Variants in GYS2 observed in about 807,000 individuals in gnomAD.
GYS2 encodes the protein glycogen synthase 2.
GYS2 carries 80 observed loss-of-function variants against 85.6 expected under a neutral mutation model. The observed-to-expected ratio is 0.93, with a 90% CI of 0.78 to 1.13. The LOEUF is 1.13. Among genes scored for constraint, GYS2 ranks in the 50% most tolerant of loss-of-function variants. GYS2 has a pLI of 0.00. For missense variants in GYS2, 881 were observed against 854.9 expected (o/e 1.03, Z -0.38); for synonymous variants, 328 against 300.7 (o/e 1.09, Z -0.94).
chr12:21,539,693 A>C (rs1468028489), intron 14 of GYS2, among the ~76,000 whole-genome samples: 1 of 152,132 alleles, frequency 6.6e-6, no homozygotes, highest in Non-Finnish European at 1.5e-5. Context: ...TTGGGTGTAA[A>C]TCCTGCTTCA....
At chr12:21,546,558 T>A in intron 11 of GYS2, 88 bp from the exon 12 acceptor site, 1 of 751,658 alleles carries the variant, frequency 1.3e-6, no homozygotes, top group Non-Finnish European at 2.2e-6. Context: ...TTCAGTACTC[T>A]ACTATAGAAT....
intron 11 of GYS2, among the ~76,000 whole-genome samples, chr12:21,554,208 GAGCA>G (rs1165114790): frequency 6.6e-6 from 1 of 151,520 alleles, no homozygotes; most frequent in African/African-American, 2.4e-5. Context: ...GGAAGGAAGT[GAGCA>G]AGGAAGGAAG....
At chr12:21,584,457 C>T (rs1037335366) in intron 1 of GYS2, among the ~76,000 whole-genome samples, 14 of 143,058 alleles carry the variant, frequency 9.8e-5, no homozygotes, top group Admixed American at 9.6e-4. Flanking sequence ...CACCACTCAG[C>T]CTTTTCCCAG....
intron 1 of GYS2, among the ~76,000 whole-genome samples, chr12:21,596,124 C>A (rs1211415309): frequency 6.6e-6 from 1 of 151,704 alleles, no homozygotes; most frequent in African/African-American, 2.4e-5. Context: ...AAATTACCAA[C>A]CAAAAAAAAG....
chr12:21,537,392 A>T, intron 15 of GYS2: 1 of 583,560 alleles, frequency 1.7e-6, no homozygotes, highest in South Asian at 2.0e-5. Flanking sequence ...AAATGTGCTA[A>T]GTGTTATATA....
At chr12:21,539,480 G>C in intron 14 of GYS2, 142 bp from the exon 15 acceptor site, 1 of 688,640 alleles carries the variant, frequency 1.5e-6, no homozygotes, top group South Asian at 1.7e-5. Context: ...CTAAGTTTGA[G>C]ACTCAGGAAA....
Position 21,585,560 on chromosome 12 carries a change from G to GAA in GYS2, c.122-5039_122-5038dup, listed in dbSNP as rs36121025. Reference sequence around the variant, plus strand: ...ATAAAGGTTTGGGTCACTCCACCAGGAAAAAAAAAAAAAAAAAAGACAAGA... The same window carrying GAA: ...ATAAAGGTTTGGGTCACTCCACCAGGAAAAAAAAAAAAAAAAAAAAGACAAGA... On this transcript the variant is annotated intron_variant, in intron 1 of 15. Transcript: ENST00000261195. 3.4e-4 allele frequency among the ~76,000 whole-genome samples: 39 copies of GAA among 115,778 alleles called. 1 individual carries two copies. Among genetic ancestry groups the GAA allele is most frequent in the African/African-American group, 6.2e-4 (19 of 30,894 alleles). The allele number at this position is 115,778 out of a possible 152,430, so 76.0% of individuals were successfully genotyped here.
intron 11 of GYS2, among the ~76,000 whole-genome samples, chr12:21,546,888 G>A (rs1944047534): frequency 6.6e-6 from 1 of 152,126 alleles, no homozygotes; most frequent in African/African-American, 2.4e-5. Flanking sequence ...ACTCTTACAT[G>A]CCTTAAGCAT....
chr12:21,555,101 C>A (rs1591786778), intron 11 of GYS2, among the ~76,000 whole-genome samples: 1 of 152,160 alleles, frequency 6.6e-6, no homozygotes, highest in Non-Finnish European at 1.5e-5. Flanking sequence ...AAAAGTGTGA[C>A]ACAAAATGTT....
At chr12:21,583,717 C>T (rs113785360) in intron 1 of GYS2, among the ~76,000 whole-genome samples, 18 of 152,122 alleles carry the variant, frequency 1.2e-4, no homozygotes, top group African/African-American at 3.9e-4. Context: ...TTGGTGGAAA[C>T]GAAATATTTG....
intron 13 of GYS2, 52 bp downstream of exon 13, chr12:21,542,443 GT>G: frequency 9.4e-7 from 1 of 1,059,776 alleles, no homozygotes; most frequent in East Asian, 2.4e-5. Context: ...CCTGTGCTTT[GT>G]TTGGTTAGAG....
At chr12:21,537,416 T>C in intron 15 of GYS2, 1 of 525,004 alleles carries the variant, frequency 1.9e-6, no homozygotes. Context: ...ATTATTATCA[T>C]CTTATCTTTT....
chr12:21,582,312 T>G (rs1200421139), intron 1 of GYS2, among the ~76,000 whole-genome samples: 1 of 152,134 alleles, frequency 6.6e-6, no homozygotes, highest in African/African-American at 2.4e-5. Flanking sequence ...ACCCTTAATC[T>G]GGGTGGGCAC....
rs1565605986 is a variant in GYS2 at position 21,576,023 on chromosome 12, G to A, written c.338C>T (p.Pro113Leu). Reference sequence around the variant, plus strand: ...GCCTATGTCAAAAAGTACCACATAAGGACTTCCTTCTATCAGCCATCTTCC... The same window carrying A: ...GCCTATGTCAAAAAGTACCACATAAAGACTTCCTTCTATCAGCCATCTTCC... ...HFGRWLIEGS[P>L]YVVLFDIGYS... The change falls in exon 3 of 16, where the codon CCT (proline) becomes CTT (leucine). Residue 113 changes from proline to leucine, a missense_variant. Physicochemically the swap from Pro to Leu is moderately conservative, Grantham distance 98 (BLOSUM62 -3). Coordinates refer to ENST00000261195, the MANE Select transcript of GYS2 (RefSeq NM_021957.4). The A allele has an allele frequency of 1.9e-6, 3 of 1,613,490 alleles. No homozygotes were observed. Among genetic ancestry groups the A allele is most frequent in the Non-Finnish European group, 2.5e-6 (3 of 1,179,802 alleles).
chr12:21,538,416 G>A (rs747003421), intron 15 of GYS2, among the ~76,000 whole-genome samples: 24 of 152,130 alleles, frequency 1.6e-4, no homozygotes, highest in Non-Finnish European at 2.4e-4. Flanking sequence ...TTGATAAGGC[G>A]CCAGAGTTTT....
intron 4 of GYS2, among the ~76,000 whole-genome samples, 200 bp from the exon 5 acceptor site, chr12:21,569,209 CAT>C (rs750230805): frequency 1.7e-4 from 26 of 152,128 alleles, no homozygotes; most frequent in Non-Finnish European, 3.4e-4. Flanking sequence ...TTGTTTACTC[CAT>C]TTCTCCCTCT....
chr12:21,588,182 A>C (rs1944594846), intron 1 of GYS2, among the ~76,000 whole-genome samples: 1 of 152,198 alleles, frequency 6.6e-6, no homozygotes, highest in African/African-American at 2.4e-5. Context: ...TTTATTACTT[A>C]TATATTACTT....
intron 15 of GYS2, 149 bp from the exon 16 acceptor site, chr12:21,537,324 A>G: frequency 1.5e-6 from 1 of 676,832 alleles, no homozygotes; most frequent in Non-Finnish European, 2.7e-6. Context: ...TTTGATTTTG[A>G]TACCACCAAT....
chr12:21,602,092 A>C (rs1944761888), intron 1 of GYS2, among the ~76,000 whole-genome samples: 1 of 152,092 alleles, frequency 6.6e-6, no homozygotes, highest in South Asian at 2.1e-4. Context: ...ACATGGTAAG[A>C]TAACTGGAGA....
Sources: gnomAD v4.1 joint callset for allele counts (sites outside exome capture counted in the v4.1 genomes callset) on GRCh38, gnomAD v4.1.1 for gene constraint, MANE v1.5 for transcripts, NCBI Gene and HGNC (gene_info 2026-07-23, HGNC 2026-07-21) for gene names.